Variants in CLTCL1 observed in about 807,000 individuals in gnomAD.
The protein encoded by CLTCL1 is clathrin heavy chain like 1, also known as clathrin heavy chain 2.
Under a neutral mutation model 190.0 loss-of-function variants are expected in CLTCL1, and 159 were observed. That is an observed-to-expected ratio of 0.84 (90% CI 0.74 to 0.95). The LOEUF (loss-of-function observed/expected upper bound fraction) is 0.95, where lower values mean the gene tolerates loss of function less well. CLTCL1 is among the 40% of genes least tolerant of loss of function. CLTCL1 has a pLI of 0.00. For synonymous variants in CLTCL1, 752 were observed against 769.6 expected (o/e 0.98, Z 0.38); for missense variants, 1,878 against 2,033.4 (o/e 0.92, Z 1.47).
intron 29 of CLTCL1, chr22:19,184,249 C>A (rs1360838031): frequency 6.0e-6 from 2 of 331,430 alleles, no homozygotes; most frequent in South Asian, 2.3e-5. Flanking sequence ...CATTCAGAGA[C>A]CAGGAACCTG....
chr22:19,221,918 G>A (rs782181348), intron 16 of CLTCL1, 33 bp downstream of exon 16: 6 of 1,609,872 alleles, frequency 3.7e-6, no homozygotes, highest in Admixed American at 3.3e-5. Flanking sequence ...AGAATCCAGG[G>A]GTAAGAGAAA....
At chr22:19,202,236 G>C (rs782301269) in intron 22 of CLTCL1, among the ~76,000 whole-genome samples, 8 of 152,030 alleles carry the variant, frequency 5.3e-5, no homozygotes, top group Non-Finnish European at 8.8e-5. Flanking sequence ...CTCAGAGCTA[G>C]TTCTCTGCCC....
Position 19,198,481 on chromosome 22 carries a change from C to T in CLTCL1, c.3873+1253G>A, listed in dbSNP as rs1469650307. 2.0e-5 allele frequency among the ~76,000 whole-genome samples: 3 copies of T among 152,170 alleles called. No individual in the cohort carries two copies. The highest frequency in any genetic ancestry group is 2.4e-5 in the African/African-American group (1 of 41,456). ...CCTAACGGCCTGAGATCTGGCCCTC[C>T]GTCAGCCTCTCTGCCCCATCTCTGG... On this transcript the variant is annotated intron_variant, in intron 24 of 32. Transcript: ENST00000427926. This position sits in a 1 kb window ranked among gnomAD's most constrained non-coding sequence, Gnocchi z 4.1.
chr22:19,279,335 C>A (rs2087626177), intron 1 of CLTCL1, among the ~76,000 whole-genome samples: 2 of 151,910 alleles, frequency 1.3e-5, no homozygotes, highest in African/African-American at 4.8e-5. Context: ...TGGGGTTTCA[C>A]CATATTAGCT....
intron 24 of CLTCL1, among the ~76,000 whole-genome samples, chr22:19,197,987 G>A (rs1302186702): frequency 6.6e-6 from 1 of 152,174 alleles, no homozygotes; most frequent in Non-Finnish European, 1.5e-5. Flanking sequence ...TGGAGCTCCA[G>A]ATCTGTCTCC....
At position 19,213,915 on chromosome 22, in the gene CLTCL1, CAGA is replaced by C. The variant is rs543567659; in HGVS notation, c.3065+2193_3065+2195del. 4.3e-3 allele frequency among the ~76,000 whole-genome samples: 651 copies of C among 152,270 alleles called. 12 individuals are homozygous for C. Among genetic ancestry groups the C allele is most frequent in the Non-Finnish European group, 1.2e-3 (82 of 68,018 alleles). ...TAGCACTGCATTCCCCATCCCCTTCCAGAAGGTCATTTTTACTGTATGGTGGTT... is the reference window on the plus strand; with the variant it reads ...TAGCACTGCATTCCCCATCCCCTTCCAGGTCATTTTTACTGTATGGTGGTT... On this transcript the variant is annotated intron_variant, in intron 19 of 32. Transcript: ENST00000427926.
intron 4 of CLTCL1, among the ~76,000 whole-genome samples, chr22:19,240,501 G>T (rs539832204): frequency 6.6e-6 from 1 of 152,226 alleles, no homozygotes; most frequent in Non-Finnish European, 1.5e-5. Context: ...CGGGCCAATG[G>T]GGGAGGCTGA....
chr22:19,208,371 A>T, intron 21 of CLTCL1, 60 bp from the exon 22 acceptor site: 2 of 1,575,676 alleles, frequency 1.3e-6, no homozygotes, highest in Non-Finnish European at 1.7e-6. Context: ...CAAGGGCTCA[A>T]TTCCTCCCAT....
intron 3 of CLTCL1, among the ~76,000 whole-genome samples, chr22:19,249,497 A>C (rs1367606735): frequency 6.6e-6 from 1 of 152,188 alleles, no homozygotes; most frequent in East Asian, 1.9e-4. Context: ...GTTTGAGACC[A>C]GCCTGGCCAA....
At chr22:19,191,581 C>T (rs1569150903) in intron 26 of CLTCL1, 146 bp from the exon 27 acceptor site, 3 of 930,624 alleles carry the variant, frequency 3.2e-6, no homozygotes, top group African/African-American at 1.7e-5. Flanking sequence ...GAAGGTGCCT[C>T]CTCTCATCCC....
At chr22:19,211,113 G>GA (rs199672902) in intron 19 of CLTCL1, among the ~76,000 whole-genome samples, 3 of 151,538 alleles carry the variant, frequency 2.0e-5, no homozygotes, top group Admixed American at 6.6e-5. Context: ...CAAAAATGTG[G>GA]AAAAAAAATC....
intron 3 of CLTCL1, among the ~76,000 whole-genome samples, chr22:19,243,968 ATTACAGGC>A: frequency 6.6e-6 from 1 of 152,238 alleles, no homozygotes; most frequent in Non-Finnish European, 1.5e-5. Flanking sequence ...AAATGCTGGG[ATTACAGGC>A]TTGAGCCACC....
At chr22:19,252,450 T>C (rs1462252231) in intron 3 of CLTCL1, among the ~76,000 whole-genome samples, 4 of 152,194 alleles carry the variant, frequency 2.6e-5, no homozygotes, top group African/African-American at 9.7e-5. Flanking sequence ...CACTGTGTCC[T>C]TCCAAAGTGC....
At chr22:19,276,479 C>G (rs1555983424) in intron 1 of CLTCL1, among the ~76,000 whole-genome samples, 4 of 152,090 alleles carry the variant, frequency 2.6e-5, no homozygotes, top group African/African-American at 7.2e-5. Context: ...AAGCACCTTT[C>G]TCCAAAGGCC....
chr22:19,247,829 G>T (rs1555968555), intron 3 of CLTCL1, among the ~76,000 whole-genome samples: 1 of 151,818 alleles, frequency 6.6e-6, no homozygotes, highest in Non-Finnish European at 1.5e-5. Context: ...CCAAAGTGCT[G>T]GGATTAAAGG....
chr22:19,195,470 G>C (rs1294214818), intron 26 of CLTCL1, among the ~76,000 whole-genome samples: 3 of 152,226 alleles, frequency 2.0e-5, no homozygotes, highest in Non-Finnish European at 4.4e-5. Flanking sequence ...GTAGCCGCAT[G>C]TGGAAAAGAG....
At chr22:19,206,730 C>T (rs745923914) in intron 22 of CLTCL1, among the ~76,000 whole-genome samples, 1 of 152,150 alleles carries the variant, frequency 6.6e-6, no homozygotes. Context: ...AGCCACTGTG[C>T]CCGGCCCACT....
Position 19,208,154 on chromosome 22 carries a change from C to T in CLTCL1, c.3600G>A (p.Gln1200=). The T allele has an allele frequency of 6.2e-7, 1 of 1,613,880 alleles. No individual in the cohort carries two copies. The highest frequency in any genetic ancestry group is 1.7e-4 in the Middle Eastern group (1 of 6,054). Residue 1200 remains glutamine (Q), a splice_region_variant and synonymous_variant, in exon 22 of 33, where the codon CAG becomes CAA. Transcript: ENST00000427926. ...ACAGCCCCCAGGGGGCATGGCCTAC[C>T]TGCTGGATGTGGGCATTGTTGGGTC... The part of the protein sequence containing the change: ...INGPNNAHIQ[Q]VGDRCYEEGM...
chr22:19,191,908 C>T (rs1480099727), intron 26 of CLTCL1, among the ~76,000 whole-genome samples: 1 of 152,180 alleles, frequency 6.6e-6, no homozygotes, highest in Non-Finnish European at 1.5e-5. Context: ...TGCTCAGACC[C>T]TGGGTGAGAC....
Sources: allele counts gnomAD v4.1 joint callset (sites outside exome capture counted in the v4.1 genomes callset), GRCh38; gene constraint gnomAD v4.1.1; non-coding constraint Gnocchi (gnomAD v3.1); transcripts MANE v1.5; gene names NCBI Gene and HGNC (gene_info 2026-07-23, HGNC 2026-07-21).